CPQ: variants seen among roughly 807,000 people sequenced by gnomAD.
The protein encoded by CPQ is Ser-Met dipeptidase.
A neutral mutation model predicts 45.7 loss-of-function variants in CPQ; 37 were observed. The observed-to-expected ratio is 0.81, with a 90% CI of 0.62 to 1.07. The LOEUF (loss-of-function observed/expected upper bound fraction) is 1.07. CPQ is among the 50% of genes least tolerant of loss of function. The probability of loss-of-function intolerance (pLI) is 0.00; values close to 1 mark genes in which losing one functional copy is unlikely to be tolerated. For synonymous variants in CPQ, 186 were observed against 205.8 expected, an observed-to-expected ratio of 0.90 and a Z score of 0.82; for missense variants, 537 against 572.9, an observed-to-expected ratio of 0.94 and a Z score of 0.64.
chr8:96,911,120 C>T (rs985209116), intron 4 of CPQ, among the ~76,000 whole-genome samples: 4 of 152,010 alleles, frequency 2.6e-5, no homozygotes, highest in African/African-American at 9.7e-5. Flanking sequence ...TTTAGCGATC[C>T]ACGTGCTTTT....
At chr8:96,858,541 C>T (rs994740111) in intron 3 of CPQ, among the ~76,000 whole-genome samples, 1 of 152,176 alleles carries the variant, frequency 6.6e-6, no homozygotes, top group African/African-American at 2.4e-5. Context: ...AGAATCACCA[C>T]TGCTGGGGTA....
intron 1 of CPQ, among the ~76,000 whole-genome samples, chr8:96,730,630 C>A (rs1809899211): frequency 1.3e-5 from 2 of 151,882 alleles, no homozygotes; most frequent in South Asian, 4.2e-4. Flanking sequence ...TTTTGGAAGA[C>A]TAAGTCAATC....
At chr8:96,980,643 G>T (rs1476539776) in intron 5 of CPQ, among the ~76,000 whole-genome samples, 1 of 152,138 alleles carries the variant, frequency 6.6e-6, no homozygotes, top group African/African-American at 2.4e-5. Context: ...TCAACTCTCA[G>T]CTCTCGAGTC....
chr8:96,829,835 C>CAATCCTTAAGGATTGTAT (rs1811429039), intron 2 of CPQ, among the ~76,000 whole-genome samples: 1 of 152,100 alleles, frequency 6.6e-6, no homozygotes. Context: ...CCAGATTATA[C>CAATCCTTAAGGATTGTAT]AATCCTTAAG....
chr8:96,838,431 A>G (rs899688169), intron 3 of CPQ, among the ~76,000 whole-genome samples: 5 of 152,120 alleles, frequency 3.3e-5, no homozygotes, highest in Non-Finnish European at 7.4e-5. Flanking sequence ...GAAAGTCGAT[A>G]ACCTAGAGGG....
At chr8:96,829,979 C>T (rs1586417708) in intron 2 of CPQ, among the ~76,000 whole-genome samples, 2 of 152,250 alleles carry the variant, frequency 1.3e-5, no homozygotes, top group East Asian at 1.9e-4. Context: ...AAGGACATTG[C>T]ACAATCACAA....
At chr8:96,828,112 T>C (rs994556221) in intron 2 of CPQ, among the ~76,000 whole-genome samples, 1 of 152,052 alleles carries the variant, frequency 6.6e-6, no homozygotes, top group East Asian at 1.9e-4. Context: ...ATGCTGTTAC[T>C]GAAAGTGGCC....
chr8:96,687,545 T>A (rs995684968), intron 1 of CPQ, among the ~76,000 whole-genome samples: 1 of 152,158 alleles, frequency 6.6e-6, no homozygotes, highest in African/African-American at 2.4e-5. Context: ...TCACTTTTTA[T>A]GTTTATTAAT....
intron 1 of CPQ, among the ~76,000 whole-genome samples, chr8:96,716,908 C>CACACACACACAT (rs1256391327): frequency 2.0e-5 from 3 of 150,198 alleles, no homozygotes; most frequent in Non-Finnish European, 4.4e-5. Context: ...AACTCCGTCA[C>CACACACACACAT]ACACACACAC....
At chr8:96,676,195 T>C (rs1452517489) in intron 1 of CPQ, among the ~76,000 whole-genome samples, 1 of 152,044 alleles carries the variant, frequency 6.6e-6, no homozygotes, top group Non-Finnish European at 1.5e-5. Context: ...CTTACTATGC[T>C]GTCCAACACT....
intron 7 of CPQ, among the ~76,000 whole-genome samples, chr8:97,076,413 GC>G (rs778310027): frequency 1.3e-3 from 194 of 152,114 alleles, no homozygotes; most frequent in Admixed American, 3.0e-3. Flanking sequence ...CCAATATATG[GC>G]CAGTTTTCAA....
At chr8:96,989,736 C>T (rs988091796) in intron 5 of CPQ, among the ~76,000 whole-genome samples, 7 of 152,030 alleles carry the variant, frequency 4.6e-5, no homozygotes, top group African/African-American at 1.2e-4. Flanking sequence ...CTCTGTCTCC[C>T]CCTGAACCTT....
intron 5 of CPQ, among the ~76,000 whole-genome samples, chr8:97,006,174 G>A (rs904544377): frequency 6.6e-6 from 1 of 152,138 alleles, no homozygotes; most frequent in South Asian, 2.1e-4. Flanking sequence ...GTAGAATAAG[G>A]CTCTCAGAAT....
chr8:96,758,691 T>C (rs749853847), intron 1 of CPQ, among the ~76,000 whole-genome samples: 1 of 152,180 alleles, frequency 6.6e-6, no homozygotes, highest in Non-Finnish European at 1.5e-5. Context: ...AGTAGCCCTA[T>C]TGATTTTTCT....
At chr8:96,822,208 C>G (rs1811317257) in intron 2 of CPQ, among the ~76,000 whole-genome samples, 1 of 151,968 alleles carries the variant, frequency 6.6e-6, no homozygotes, top group South Asian at 2.1e-4. Context: ...CAAGTTCATC[C>G]AAGTTGTTGC....
intron 6 of CPQ, among the ~76,000 whole-genome samples, chr8:97,060,751 C>T (rs1352269331): frequency 6.6e-6 from 1 of 152,124 alleles, no homozygotes; most frequent in African/African-American, 2.4e-5. Flanking sequence ...GTGAAATGAG[C>T]ATTACTCTGC....
chr8:96,764,048 A>C (rs1290241174), intron 1 of CPQ, among the ~76,000 whole-genome samples: 1 of 152,168 alleles, frequency 6.6e-6, no homozygotes, highest in Non-Finnish European at 1.5e-5. Context: ...GCCCATATAA[A>C]GAGTACAAAT....
chr8:96,962,304 T>C (rs1018735667), intron 4 of CPQ, among the ~76,000 whole-genome samples: 3 of 152,180 alleles, frequency 2.0e-5, no homozygotes, highest in African/African-American at 7.2e-5. Context: ...AACTTTTTAC[T>C]CTATACTGCA....
chr8:97,022,997 A>AGTATATAGTATATATATACT (rs1809723677), intron 5 of CPQ, among the ~76,000 whole-genome samples: 1 of 141,632 alleles, frequency 7.1e-6, no homozygotes, highest in Non-Finnish European at 1.5e-5. Context: ...ATATATATAC[A>AGTATATAGTATATATATACT]GTATATATAT....
Sources: gnomAD v4.1 joint callset for allele counts (sites outside exome capture counted in the v4.1 genomes callset) on GRCh38, gnomAD v4.1.1 for gene constraint, MANE v1.5 for transcripts, NCBI Gene and HGNC (gene_info 2026-07-23, HGNC 2026-07-21) for gene names.